RUVBL2: variants seen among roughly 807,000 people sequenced by gnomAD.
The protein encoded by RUVBL2 is ruvB-like 2.
In RUVBL2, 9 loss-of-function variants were observed where a neutral mutation model predicts 57.9. The observed-to-expected ratio is 0.16, with a 90% CI of 0.09 to 0.27. The LOEUF is 0.27. Among genes scored for constraint, RUVBL2 ranks in the 10% least tolerant of loss-of-function variants. The pLI is 1.00. For synonymous variants in RUVBL2, 278 were observed against 264.6 expected (o/e 1.05, Z -0.49); for missense variants, 456 against 669.6 (o/e 0.68, Z 3.52).
chr19:49,011,403 T>A lies in RUVBL2; in HGVS notation c.1001+93T>A, dbSNP rs2039425966. The A allele has an allele frequency of 2.0e-6, 2 of 1,021,840 alleles. No homozygotes were observed. Among genetic ancestry groups the A allele is most frequent in the Non-Finnish European group, 3.0e-6 (2 of 659,070 alleles). The allele number at this position is 1,021,840 out of a possible 1,614,324, so 63.3% of individuals were successfully genotyped here. A position where few individuals can be genotyped will look rare whatever the true frequency, so the allele number is the denominator to read the frequency against. On this transcript the variant is annotated intron_variant, in intron 11 of 14. Transcript: ENST00000595090. The surrounding 1 kb of genome is among the most constrained non-coding windows in gnomAD (Gnocchi z 4.4). ...AATGGGAGCCTGTGTTGACACCGGG[T>A]CAGGGAGGGACGCGTGACTGCAGTG...
chr19:49,001,184 C>T (rs1011419288), intron 2 of RUVBL2, among the ~76,000 whole-genome samples: 37 of 146,322 alleles, frequency 2.5e-4, no homozygotes, highest in African/African-American at 9.0e-4. Context: ...TTTTTGGAGA[C>T]GGAGTCTCGC....
At chr19:49,007,793 C>T (rs868546792) in intron 6 of RUVBL2, among the ~76,000 whole-genome samples, 5 of 152,140 alleles carry the variant, frequency 3.3e-5, no homozygotes, top group South Asian at 4.1e-4. Context: ...CAACCTCTGC[C>T]TCCCAGGTTC....
At chr19:49,006,805 C>T (rs1283307818) in intron 4 of RUVBL2, among the ~76,000 whole-genome samples, 1 of 152,258 alleles carries the variant, frequency 6.6e-6, no homozygotes, top group Non-Finnish European at 1.5e-5. Context: ...ACCTGCCCTG[C>T]CTGGCTTCTC....
intron 6 of RUVBL2, among the ~76,000 whole-genome samples, chr19:49,008,279 T>C (rs928514143): frequency 4.0e-5 from 6 of 149,684 alleles, no homozygotes; most frequent in Admixed American, 1.3e-4. Context: ...CTTGCTCTGT[T>C]GCCCAGGCTG....
At chr19:48,998,010 G>A (rs2039097833) in intron 1 of RUVBL2, among the ~76,000 whole-genome samples, 1 of 152,208 alleles carries the variant, frequency 6.6e-6, no homozygotes, top group African/African-American at 2.4e-5. Flanking sequence ...GTGAACAAGA[G>A]AGAACAGGCC....
In RUVBL2 at chr19:49,009,849, T is replaced by C; in HGVS notation, c.536T>C (p.Ile179Thr). Reference protein sequence around the residue: ...ETIYDLGTKMIESLTKDKVQA... With the variant: ...ETIYDLGTKMTESLTKDKVQA... ...ATCTACGACCTGGGCACCAAGATGA[T>C]TGAGTCCCTGACCAAGGACAAGGTC... The change falls in exon 7 of 15, where the codon ATT (isoleucine) becomes ACT (threonine). Residue 179 changes from isoleucine to threonine, a missense_variant. Around this residue, in one of 5 missense-constraint regions of RUVBL2, gnomAD observed 233 missense variants for 306.0 expected, o/e 0.76. Coordinates refer to ENST00000595090, the MANE Select transcript of RUVBL2 (RefSeq NM_006666.3). 1 of 1,613,832 alleles carries C rather than the reference T, an allele frequency of 6.2e-7. No homozygotes were observed. The highest frequency in any genetic ancestry group is 8.5e-7 in the Non-Finnish European group (1 of 1,179,930).
intron 6 of RUVBL2, among the ~76,000 whole-genome samples, chr19:49,008,789 C>T (rs533517774): frequency 3.3e-5 from 5 of 151,826 alleles, no homozygotes; most frequent in African/African-American, 1.2e-4. Flanking sequence ...ACCAGCCTGA[C>T]CAACATGGTG....
chr19:49,014,651 A>G, intron 12 of RUVBL2, 48 bp downstream of exon 12: 1 of 1,602,404 alleles, frequency 6.2e-7, no homozygotes, highest in South Asian at 1.1e-5. Flanking sequence ...GCTGGGGTCT[A>G]CCCTGTTTGA....
intron 13 of RUVBL2, 182 bp downstream of exon 13, chr19:49,015,332 C>A: frequency 1.2e-6 from 1 of 810,442 alleles, no homozygotes; most frequent in Non-Finnish European, 1.9e-6. Context: ...GTAAATCTCT[C>A]TTGACTTAAG....
intron 9 of RUVBL2, 114 bp from the exon 10 acceptor site, chr19:49,010,885 T>G (rs2039410106): frequency 3.0e-6 from 3 of 1,013,650 alleles, no homozygotes; most frequent in African/African-American, 3.2e-5. Flanking sequence ...CATCCCTCCT[T>G]GCTTTGCTCC....
chr19:48,999,179 G>A (rs575454105), intron 1 of RUVBL2, 140 bp from the exon 2 acceptor site: 1 of 866,572 alleles, frequency 1.2e-6, no homozygotes. Flanking sequence ...GGCAAGAGGG[G>A]TGGGGGTGAC....
chr19:49,006,909 G>C (rs1199908757), intron 4 of RUVBL2, 109 bp from the exon 5 acceptor site: 7 of 1,424,024 alleles, frequency 4.9e-6, no homozygotes, highest in Admixed American at 3.7e-5. Context: ...ATGTAGGATG[G>C]CACTGAACCC....
intron 2 of RUVBL2, among the ~76,000 whole-genome samples, chr19:49,002,581 G>A (rs1234548235): frequency 6.6e-6 from 1 of 151,002 alleles, no homozygotes; most frequent in Non-Finnish European, 1.5e-5. Context: ...CAGGGCTCTT[G>A]TTTCATTTTA....
rs377525677 is a variant in RUVBL2, at chr19:48,997,592, G to A, written c.13-1727G>A. ...TGTAGTGAGCCAAGATTGCGCCATT[G>A]CACTCCAGCCTAGGTGACAGAGTGA... On this transcript the variant is annotated intron_variant, in intron 1 of 14. Coordinates refer to ENST00000595090, the MANE Select transcript of RUVBL2 (RefSeq NM_006666.3). 1.0e-4 allele frequency among the ~76,000 whole-genome samples: 15 copies of A among 146,882 alleles called. No individual in the cohort carries two copies. In the South Asian group the frequency reaches 3.2e-3, roughly 31 times the overall value.
chr19:49,010,095 GC>G (rs1600190184), intron 8 of RUVBL2, 29 bp downstream of exon 8: 3 of 1,595,728 alleles, frequency 1.9e-6, no homozygotes, highest in African/African-American at 1.3e-5. Context: ...GGATCCCCTC[GC>G]CCCCAGCACT....
chr19:48,998,290 G>A (rs2039103897), intron 1 of RUVBL2, among the ~76,000 whole-genome samples: 1 of 152,184 alleles, frequency 6.6e-6, no homozygotes, highest in Non-Finnish European at 1.5e-5. Flanking sequence ...TTGAGAACTG[G>A]GGCCGCCTGG....
Position 49,011,260 on chromosome 19 carries a change from G to A in RUVBL2, c.951G>A (p.Glu317=). The change falls in exon 11 of 15, where the codon GAG becomes GAA. Residue 317 remains glutamate (E), a synonymous_variant. Coordinates refer to ENST00000595090, the MANE Select transcript of RUVBL2 (RefSeq NM_006666.3). This position sits in a 1 kb window ranked among gnomAD's most constrained non-coding sequence, Gnocchi z 4.4. Reference sequence around the variant, plus strand: ...TCTCCTTCCTCAACCGGGCCCTGGAGAGTGACATGGCGCCTGTCCTGATCA... The same window carrying A: ...TCTCCTTCCTCAACCGGGCCCTGGAAAGTGACATGGCGCCTGTCCTGATCA... ...ESFSFLNRAL[E]SDMAPVLIMA... 1 of 1,613,968 alleles carries A rather than the reference G, an allele frequency of 6.2e-7. No homozygotes were observed. The highest frequency in any genetic ancestry group is 8.5e-7 in the Non-Finnish European group (1 of 1,180,040).
chr19:49,003,139 T>A, intron 2 of RUVBL2, 140 bp from the exon 3 acceptor site: 2 of 752,748 alleles, frequency 2.7e-6, no homozygotes, highest in South Asian at 2.9e-5. Context: ...CCTTTCCATG[T>A]GCCCCTTCAT....
Position 49,015,701 on chromosome 19 carries a change from C to A in RUVBL2, c.1366+15C>A, listed in dbSNP as rs1392236245. ...CAACGAACTCAGTAAGAATCCCCAC[C>A]CCGCACCTGCACTGCCAGAGCCAAC... On this transcript the variant is annotated intron_variant, in intron 14 of 14. Coordinates refer to ENST00000595090, the MANE Select transcript of RUVBL2 (RefSeq NM_006666.3). 1 of 1,611,620 alleles carries A rather than the reference C, an allele frequency of 6.2e-7. No homozygotes were observed. Among genetic ancestry groups the A allele is most frequent in the Non-Finnish European group, 8.5e-7 (1 of 1,177,694 alleles).
Sources: allele counts gnomAD v4.1 joint callset (sites outside exome capture counted in the v4.1 genomes callset), GRCh38; gene constraint gnomAD v4.1.1; regional missense constraint gnomAD v4.1.1; non-coding constraint Gnocchi (gnomAD v3.1); transcripts MANE v1.5; gene names NCBI Gene and HGNC (gene_info 2026-07-23, HGNC 2026-07-21).